Variants in DPP10 observed in about 807,000 individuals in gnomAD.
DPP10 encodes the protein inactive dipeptidyl peptidase 10.
DPP10 carries 33 observed loss-of-function variants against 120.9 expected under a neutral mutation model. The observed-to-expected ratio is 0.27, with a 90% CI of 0.21 to 0.37. The LOEUF (loss-of-function observed/expected upper bound fraction) is 0.37. Among genes scored for constraint, DPP10 ranks in the 10% least tolerant of loss-of-function variants. The pLI, the probability that DPP10 is intolerant of heterozygous loss-of-function variation, is 1.00. For synonymous variants in DPP10, 337 were observed against 326.1 expected (o/e 1.03, Z -0.36); for missense variants, 816 against 942.8 (o/e 0.87, Z 1.76).
chr2:115,702,165 G>A (rs2091918082), intron 7 of DPP10, among the ~76,000 whole-genome samples: 1 of 151,932 alleles, frequency 6.6e-6, no homozygotes, highest in Admixed American at 6.6e-5. Context: ...GTTCCTCAAG[G>A]TTAAGTTCCT....
At chr2:114,976,260 T>G (rs982190755) in intron 1 of DPP10, among the ~76,000 whole-genome samples, 4 of 152,188 alleles carry the variant, frequency 2.6e-5, no homozygotes, top group African/African-American at 9.7e-5. Context: ...CTACCTTCCC[T>G]CTGATTTTGT....
intron 1 of DPP10, among the ~76,000 whole-genome samples, chr2:115,253,028 G>T (rs1246200766): frequency 6.6e-6 from 1 of 152,198 alleles, no homozygotes; most frequent in Non-Finnish European, 1.5e-5. Flanking sequence ...AAGAAAAGAG[G>T]TTTAACTGGC....
chr2:115,715,339 C>CAAAAAAAAAAAAAAAAAAA (rs546857779), intron 7 of DPP10, among the ~76,000 whole-genome samples: 3 of 67,662 alleles, frequency 4.4e-5, no homozygotes, highest in African/African-American at 1.4e-4. Context: ...AACTCCGTCT[C>CAAAAAAAAAAAAAAAAAAA]AAAAAAAAAA....
intron 1 of DPP10, among the ~76,000 whole-genome samples, chr2:114,948,496 C>A (rs1697535545): frequency 6.6e-6 from 1 of 152,062 alleles, no homozygotes; most frequent in Non-Finnish European, 1.5e-5. Context: ...ACTTATACTC[C>A]TCTCAATCTG....
chr2:114,469,547 G>A (rs1679727148), intron 1 of DPP10, among the ~76,000 whole-genome samples: 1 of 152,028 alleles, frequency 6.6e-6, no homozygotes, highest in Admixed American at 6.6e-5. Context: ...GGCCAACATG[G>A]CAAAACCCCG....
Position 115,472,535 on chromosome 2 carries a change from G to T in DPP10, c.272-26975G>T, listed in dbSNP as rs541813389. ...ATCCAGTGTACATTTTAAACTTAAA[G>T]CAGATCTTGATTCAGACTAGCATTC... is the stretch of plus-strand genomic sequence containing the variant. On this transcript the variant is annotated intron_variant, in intron 3 of 25. Transcript: ENST00000410059. Among the ~76,000 whole-genome samples the T allele has an allele frequency of 2.6e-5, 4 of 152,140 alleles. No homozygotes were observed. In the East Asian group the frequency reaches 7.7e-4, roughly 29 times the overall value.
chr2:115,058,601 TGTTG>T (rs1706138227), intron 1 of DPP10, among the ~76,000 whole-genome samples: 1 of 152,194 alleles, frequency 6.6e-6, no homozygotes, highest in Admixed American at 6.5e-5. Flanking sequence ...GGTTTCGCCA[TGTTG>T]GCAAGGCTGG....
intron 2 of DPP10, among the ~76,000 whole-genome samples, chr2:115,320,963 CATTT>C (rs1384766374): frequency 6.6e-6 from 1 of 152,094 alleles, no homozygotes; most frequent in Admixed American, 6.6e-5. Context: ...GTTTCTCCTT[CATTT>C]GAGTGACGAT....
intron 4 of DPP10, among the ~76,000 whole-genome samples, chr2:115,502,150 CATCTT>C (rs2076716328): frequency 6.6e-6 from 1 of 151,984 alleles, no homozygotes; most frequent in African/African-American, 2.4e-5. Context: ...TCTTGTTTGA[CATCTT>C]ATCACTTTTC....
Position 115,814,891 on chromosome 2 carries a change from A to G in DPP10, c.1799A>G (p.Asp600Gly). 1 of 1,612,050 alleles carries G rather than the reference A, an allele frequency of 6.2e-7. No homozygotes were observed. The highest frequency in any genetic ancestry group is 8.5e-7 in the Non-Finnish European group (1 of 1,178,566). Residue 600 changes from aspartate (D) to glycine (G), a missense_variant, in exon 20 of 26, where the codon GAT becomes GGT. Coordinates refer to ENST00000410059, the MANE Select transcript of DPP10 (RefSeq NM_020868.6). Reference sequence around the variant, plus strand: ...GATAATGTCATTGTAGCAAGATTTGATGGCAGAGGAAGTGGATTCCAGGGT... The same window carrying G: ...GATAATGTCATTGTAGCAAGATTTGGTGGCAGAGGAAGTGGATTCCAGGGT... Reference protein sequence around the residue: ...DMDNVIVARFDGRGSGFQGLK... With the variant: ...DMDNVIVARFGGRGSGFQGLK...
chr2:115,195,444 T>C (rs188257275), intron 1 of DPP10, among the ~76,000 whole-genome samples: 20 of 152,340 alleles, frequency 1.3e-4, no homozygotes, highest in Non-Finnish European at 2.5e-4. Flanking sequence ...TTTGTCTTGA[T>C]AGTAATACCT....
intron 1 of DPP10, among the ~76,000 whole-genome samples, chr2:115,032,568 G>A (rs1703911705): frequency 6.6e-6 from 1 of 151,758 alleles, no homozygotes; most frequent in African/African-American, 2.4e-5. Flanking sequence ...ATAAAAGCAA[G>A]TTCCATCTAC....
intron 5 of DPP10, among the ~76,000 whole-genome samples, chr2:115,646,116 A>T (rs1350377721): frequency 1.3e-5 from 2 of 152,012 alleles, no homozygotes; most frequent in African/African-American, 2.4e-5. Flanking sequence ...GCGCACACAC[A>T]CACACACACT....
At chr2:115,456,041 T>C (rs2073506758) in intron 3 of DPP10, among the ~76,000 whole-genome samples, 1 of 152,032 alleles carries the variant, frequency 6.6e-6, no homozygotes, top group South Asian at 2.1e-4. Context: ...GCCTACAGAA[T>C]GGGAGAAAAT....
At chr2:114,784,175 G>A (rs532912945) in intron 1 of DPP10, among the ~76,000 whole-genome samples, 107 of 152,048 alleles carry the variant, frequency 7.0e-4, no homozygotes, top group African/African-American at 2.4e-3. Context: ...CTGTAGTGTC[G>A]ACTAACCTGA....
intron 3 of DPP10, among the ~76,000 whole-genome samples, chr2:115,390,037 A>G (rs77812452): frequency 1.7e-3 from 263 of 152,302 alleles, no homozygotes; most frequent in Non-Finnish European, 3.1e-3. Flanking sequence ...AAGTAGTTCT[A>G]TATACAACAA....
chr2:114,838,275 T>G (rs1687893764), intron 1 of DPP10, among the ~76,000 whole-genome samples: 1 of 152,172 alleles, frequency 6.6e-6, no homozygotes, highest in African/African-American at 2.4e-5. Flanking sequence ...TATAGTGGCA[T>G]TAGAAGTTCA....
intron 1 of DPP10, among the ~76,000 whole-genome samples, chr2:114,906,570 A>T (rs1159635504): frequency 6.6e-6 from 1 of 152,048 alleles, no homozygotes; most frequent in Non-Finnish European, 1.5e-5. Context: ...CATAAAAAGA[A>T]GTTTGTATTT....
intron 21 of DPP10, among the ~76,000 whole-genome samples, chr2:115,817,542 C>T (rs554635562): frequency 6.6e-6 from 1 of 152,168 alleles, no homozygotes; most frequent in African/African-American, 2.4e-5. Context: ...GTGTATCATG[C>T]CTTTGCAGCA....
Sources: allele counts gnomAD v4.1 joint callset (sites outside exome capture counted in the v4.1 genomes callset), GRCh38; gene constraint gnomAD v4.1.1; transcripts MANE v1.5; gene names NCBI Gene and HGNC (gene_info 2026-07-23, HGNC 2026-07-21).